DPH6: variants seen among roughly 807,000 people sequenced by gnomAD.
DPH6 encodes the protein diphthine--ammonia ligase.
Under a neutral mutation model 38.2 loss-of-function variants are expected in DPH6, and 33 were observed. The ratio of observed to expected loss-of-function variants is 0.86; its 90% CI spans 0.65 to 1.15. The LOEUF (loss-of-function observed/expected upper bound fraction) is 1.15, where lower values mean the gene tolerates loss of function less well. Ranked by LOEUF, DPH6 falls within the 50% of genes most tolerant of loss-of-function variation. DPH6 has a pLI of 0.00. For missense variants in DPH6, 325 were observed against 320.0 expected, an observed-to-expected ratio of 1.02 and a Z score of -0.12; for synonymous variants, 108 against 103.0, an observed-to-expected ratio of 1.05 and a Z score of -0.30.
At chr15:35,332,866 A>G (rs2052336553) in intron 3 of DPH6, among the ~76,000 whole-genome samples, 1 of 152,056 alleles carries the variant, frequency 6.6e-6, no homozygotes, top group African/African-American at 2.4e-5. Flanking sequence ...AAGGAGAAAA[A>G]GAAAATATAA....
At chr15:35,373,281 C>T (rs907889668) in intron 8 of DPH6, among the ~76,000 whole-genome samples, 1 of 151,638 alleles carries the variant, frequency 6.6e-6, no homozygotes, top group African/African-American at 2.4e-5. Context: ...ATATACTATT[C>T]CCTTTTTAAC....
intron 3 of DPH6, among the ~76,000 whole-genome samples, chr15:35,363,989 T>C (rs1393175993): frequency 6.6e-6 from 1 of 152,018 alleles, no homozygotes; most frequent in African/African-American, 2.4e-5. Flanking sequence ...GGAGACATCA[T>C]GTTATTCTTA....
intron 6 of DPH6, among the ~76,000 whole-genome samples, 187 bp from the exon 7 acceptor site, chr15:35,382,103 G>T (rs906862279): frequency 1.4e-4 from 22 of 152,040 alleles, no homozygotes; most frequent in African/African-American, 5.3e-4. Context: ...TTATCATAAG[G>T]CATAGGATCC....
the DPH6 span, among the ~76,000 whole-genome samples, chr15:35,145,405 A>T: frequency 6.6e-6 from 1 of 152,220 alleles, no homozygotes; most frequent in Non-Finnish European, 1.5e-5. Flanking sequence ...GAATTTGGGA[A>T]GACCAATGAC....
At chr15:35,306,743 C>T (rs372610294) in intron 3 of DPH6, among the ~76,000 whole-genome samples, 3 of 152,150 alleles carry the variant, frequency 2.0e-5, no homozygotes, top group African/African-American at 7.2e-5. Flanking sequence ...GACTTTATCT[C>T]CAAATAGGTT....
chr15:35,387,699 T>C (rs1223955734), intron 6 of DPH6, among the ~76,000 whole-genome samples: 2 of 152,164 alleles, frequency 1.3e-5, no homozygotes, highest in Non-Finnish European at 2.9e-5. Context: ...TTTTGTATCC[T>C]GAGACTTTGC....
At chr15:35,193,879 A>T in the DPH6 span, among the ~76,000 whole-genome samples, 1 of 152,198 alleles carries the variant, frequency 6.6e-6, no homozygotes, top group African/African-American at 2.4e-5. Context: ...CATATTGTGA[A>T]AATGATACCC....
chr15:35,306,649 T>C (rs1242300283), intron 3 of DPH6, among the ~76,000 whole-genome samples: 1 of 152,242 alleles, frequency 6.6e-6, no homozygotes, highest in Non-Finnish European at 1.5e-5. Flanking sequence ...ATTGCCCTTT[T>C]GGGGCCTTAC....
At chr15:35,514,486 G>A (rs1343063438) in intron 3 of DPH6, among the ~76,000 whole-genome samples, 4 of 152,098 alleles carry the variant, frequency 2.6e-5, no homozygotes, top group Admixed American at 6.5e-5. Context: ...CTTAAATAAG[G>A]AGGGATGTCT....
chr15:35,467,574 A>G (rs530452552), intron 3 of DPH6, among the ~76,000 whole-genome samples: 11 of 151,266 alleles, frequency 7.3e-5, no homozygotes, highest in Non-Finnish European at 1.5e-4. Flanking sequence ...TCGAACAAAC[A>G]AAGAAACAAA....
chr15:35,251,774 C>T (rs992856972), intron 3 of DPH6, among the ~76,000 whole-genome samples: 4 of 152,180 alleles, frequency 2.6e-5, no homozygotes, highest in Admixed American at 6.5e-5. Context: ...ATTCAGTAAA[C>T]GCAAAGTGAA....
chr15:35,318,106 T>A lies in DPH6; in HGVS notation n.200+55415A>T, dbSNP rs114591832. On this transcript the variant is annotated intron_variant and non_coding_transcript_variant, in intron 3 of 3. Transcript: ENST00000560386. ...TTGCTCCAATTAAAACCCAAATATT[T>A]CCAAACTGGATTAAAAGTACAACCA... Among the ~76,000 whole-genome samples, 385 of 152,048 alleles carry A rather than the reference T, an allele frequency of 2.5e-3. 1 individual carries two copies. The highest frequency in any genetic ancestry group is 8.6e-3 in the African/African-American group (359 of 41,520).
chr15:35,265,940 C>T (rs1029711269), intron 3 of DPH6, among the ~76,000 whole-genome samples: 2 of 152,128 alleles, frequency 1.3e-5, no homozygotes, highest in Non-Finnish European at 2.9e-5. Flanking sequence ...TAGAGGGCTA[C>T]TTCTACAAAC....
At chr15:35,508,024 A>G (rs1313513595) in intron 3 of DPH6, among the ~76,000 whole-genome samples, 1 of 152,024 alleles carries the variant, frequency 6.6e-6, no homozygotes, top group East Asian at 1.9e-4. Flanking sequence ...AGGCTTTTAA[A>G]CCCTCGTATT....
downstream of DPH6, among the ~76,000 whole-genome samples, chr15:35,216,849 T>C (rs1051583206): frequency 6.6e-6 from 1 of 152,124 alleles, no homozygotes; most frequent in African/African-American, 2.4e-5. Flanking sequence ...TGGGTTGACA[T>C]AGAGGGCCCT....
Position 35,382,158 on chromosome 15 carries a change from A to G in DPH6, c.568-242T>C, listed in dbSNP as rs1445185993. Among the ~76,000 whole-genome samples, 5 of 152,348 alleles carry G rather than the reference A, an allele frequency of 3.3e-5. No homozygotes were observed. The East Asian group carries it at 5.8e-4, about 18-fold the overall frequency. ...TAAAAAAAAATAACATTAAGAGGCC[A>G]GGCGCGTTGGCTCACGCCTGTAATC... On this transcript the variant is annotated intron_variant, in intron 6 of 8. Coordinates refer to ENST00000256538, the MANE Select transcript of DPH6 (RefSeq NM_080650.4).
intron 3 of DPH6, among the ~76,000 whole-genome samples, chr15:35,228,287 T>A (rs2051495860): frequency 6.6e-6 from 1 of 152,264 alleles, no homozygotes; most frequent in South Asian, 2.1e-4. Flanking sequence ...TGCCCATGTC[T>A]TGAAAAGTTG....
chr15:35,358,788 C>T (rs1017239938), intron 3 of DPH6, among the ~76,000 whole-genome samples: 9 of 152,024 alleles, frequency 5.9e-5, no homozygotes, highest in Admixed American at 2.6e-4. Flanking sequence ...GTGGAGGTGG[C>T]GGGGGATGCA....
chr15:35,199,816 G>A, the DPH6 span, among the ~76,000 whole-genome samples: 1 of 151,818 alleles, frequency 6.6e-6, no homozygotes, highest in African/African-American at 2.4e-5. Context: ...CTGGAAATAG[G>A]AGAGTGCATA....
Sources: allele counts gnomAD v4.1 joint callset (sites outside exome capture counted in the v4.1 genomes callset), GRCh38; gene constraint gnomAD v4.1.1; transcripts MANE v1.5; gene names NCBI Gene and HGNC (gene_info 2026-07-23, HGNC 2026-07-21).